The following CLCN6 variants were observed in gnomAD, a reference collection of about 807,000 sequenced individuals.
CLCN6 encodes H(+)/Cl(-) exchange transporter 6.
CLCN6 carries 70 observed loss-of-function variants against 109.8 expected under a neutral mutation model. The ratio of observed to expected loss-of-function variants is 0.64; its 90% CI spans 0.53 to 0.78. CLCN6 has a LOEUF of 0.78. Ranked by LOEUF, CLCN6 falls within the 30% of genes least tolerant of loss-of-function variation. The pLI is 0.00. For missense variants in CLCN6, 984 were observed against 1,142.3 expected (o/e 0.86, Z 2.00); for synonymous variants, 444 against 447.8 (o/e 0.99, Z 0.11).
In CLCN6 at chr1:11,838,344, C is replaced by T; in HGVS notation, c.2305C>T (p.Gln769Ter). 6.2e-7 allele frequency: 1 copy of T among 1,613,712 alleles called. No individual in the cohort carries two copies. Among genetic ancestry groups the T allele is most frequent in the Non-Finnish European group, 8.5e-7 (1 of 1,180,004 alleles). ...CYSESQSSAS[Q>*]PRLSYAEMAE... is the part of the protein sequence containing the mutation. ...TGGGTTGGAATTGCAGAGCGCCAGC[C>T]AGCCGCGCCTCTCCTATGCCGAGAT... is the stretch of plus-strand genomic sequence containing the variant. The change falls in exon 21 of 23, where the codon CAG (glutamine) becomes TAG (stop). Residue 769 changes from glutamine to a stop codon, truncating the protein, a stop_gained. Coordinates refer to ENST00000346436, the MANE Select transcript of CLCN6 (RefSeq NM_001286.5). LOFTEE classifies it high-confidence loss of function.
rs1349711794 is a variant in CLCN6, at chr1:11,806,210, C to T, written c.-53C>T. On this transcript the variant is annotated 5_prime_UTR_variant, in exon 1 of 23. Coordinates refer to ENST00000346436, the MANE Select transcript of CLCN6 (RefSeq NM_001286.5). Reference sequence around the variant, plus strand: ...GGGGCCAGTCACGTGAGGCGCAGATCCTGGCTGGGAGGGGGTTGGTAGAGG... The same window carrying T: ...GGGGCCAGTCACGTGAGGCGCAGATTCTGGCTGGGAGGGGGTTGGTAGAGG... The T allele has an allele frequency of 5.8e-6, 8 of 1,379,284 alleles. No individual in the cohort carries two copies. The highest frequency in any genetic ancestry group is 6.6e-6 in the Non-Finnish European group (7 of 1,057,940). The allele number at this position is 1,379,284 out of a possible 1,614,324, so 85.4% of individuals were successfully genotyped here. A position where few individuals can be genotyped will look rare whatever the true frequency, so the allele number is the denominator to read the frequency against.
In CLCN6 at chr1:11,833,912, G is replaced by T. The variant is rs200899004; in HGVS notation, c.1408G>T (p.Val470Phe). The T allele has an allele frequency of 1.3e-4, 210 of 1,613,366 alleles. 1 individual carries two copies. Among genetic ancestry groups the T allele is most frequent in the Admixed American group, 3.5e-4 (21 of 59,720 alleles). ...CCCCGTCACTCTGGCCTTGTTCTTC[G>T]TTCTCTATTTCTTGCTTGCATGTTG... ...FSPVTLALFFVLYFLLACWTY... is the reference protein window; with the variant it reads ...FSPVTLALFFFLYFLLACWTY... The change falls in exon 15 of 23, where the codon GTT (valine) becomes TTT (phenylalanine). Residue 470 changes from valine (V) to phenylalanine (F), a missense_variant. Transcript: ENST00000346436.
At chr1:11,832,404 A>G (rs774617721) in intron 13 of CLCN6, among the ~76,000 whole-genome samples, 17 of 152,364 alleles carry the variant, frequency 1.1e-4, no homozygotes, top group Admixed American at 9.8e-4. Context: ...GAAAGCCTTC[A>G]GGACTGAACT....
At chr1:11,838,819 T>C (rs1457511914) in intron 22 of CLCN6, 159 bp downstream of exon 22, 2 of 1,066,310 alleles carry the variant, frequency 1.9e-6, no homozygotes, top group East Asian at 2.4e-5. Flanking sequence ...TTCCGTGCAC[T>C]CGGGACCCTT....
chr1:11,834,419 C>T lies in CLCN6; in HGVS notation c.1686+24C>T. On this transcript the variant is annotated intron_variant, in intron 16 of 22. Transcript: ENST00000346436. This position sits in a 1 kb window ranked among gnomAD's most constrained non-coding sequence, Gnocchi z 4.5. ...TGGTGAGCACACTCCCTCCAGGCCC[C>T]TGTCAGGCTCAGGGCCACGTCCGCC... is the stretch of plus-strand genomic sequence containing the variant. 1 of 1,613,186 alleles carries T rather than the reference C, an allele frequency of 6.2e-7. No homozygotes were observed. The highest frequency in any genetic ancestry group is 8.5e-7 in the Non-Finnish European group (1 of 1,179,294).
At chr1:11,826,987 C>T (rs535484100) in intron 9 of CLCN6, 102 bp from the exon 10 acceptor site, 2 of 1,434,884 alleles carry the variant, frequency 1.4e-6, no homozygotes, top group South Asian at 1.3e-5. Context: ...CCTGCCTATT[C>T]ATTCACAGGT....
Position 11,834,066 on chromosome 1 carries a change from A to C in CLCN6, c.1526+36A>C. ...TGTGTGCGTGTGTGTGCGCATGTGC[A>C]TGTGTGTGCACGTGTGCGTGTGTAT... On this transcript the variant is annotated intron_variant, in intron 15 of 22. Transcript: ENST00000346436. The surrounding 1 kb of genome is among the most constrained non-coding windows in gnomAD (Gnocchi z 4.5). 6.2e-7 allele frequency: 1 copy of C among 1,608,386 alleles called. No individual in the cohort carries two copies. Among genetic ancestry groups the C allele is most frequent in the East Asian group, 2.2e-5 (1 of 44,796 alleles).
chr1:11,806,991 A>G, intron 1 of CLCN6, 140 bp from the exon 2 acceptor site: 2 of 708,550 alleles, frequency 2.8e-6, no homozygotes, highest in South Asian at 3.6e-5. Context: ...CACCCCTGAA[A>G]GGTTTTTTTT....
intron 5 of CLCN6, 136 bp from the exon 6 acceptor site, chr1:11,822,559 A>T (rs1379313565): frequency 5.4e-6 from 3 of 555,594 alleles, no homozygotes; most frequent in African/African-American, 1.9e-5. Flanking sequence ...GGCAGTTTTT[A>T]AAAAATTTTT....
chr1:11,827,053 T>G, intron 9 of CLCN6, 36 bp from the exon 10 acceptor site: 1 of 1,606,592 alleles, frequency 6.2e-7, no homozygotes, highest in Non-Finnish European at 8.5e-7. Context: ...GGCTGGGGGC[T>G]CTTTATTGGA....
Position 11,816,643 on chromosome 1 carries a change from G to A in CLCN6, c.242G>A (p.Trp81Ter). Residue 81 changes from tryptophan (W) to a stop codon, truncating the protein, a stop_gained, in exon 4 of 23, where the codon TGG becomes TAG. Transcript: ENST00000346436. LOFTEE classifies it high-confidence loss of function. ...GGTCGAAGATATGAGGCGGTGAAGT[G>A]GATGGTGGTGTTTGCCATTGGAGTC... ...KKGRRYEAVK[W>*]MVVFAIGVCT... The A allele has an allele frequency of 6.2e-7, 1 of 1,613,304 alleles. No individual in the cohort carries two copies. Among genetic ancestry groups the A allele is most frequent in the Non-Finnish European group, 8.5e-7 (1 of 1,179,670 alleles).
chr1:11,838,686 C>A lies in CLCN6; in HGVS notation c.2529+26C>A, dbSNP rs1235994422. The A allele has an allele frequency of 2.5e-6, 4 of 1,614,142 alleles. No homozygotes were observed. The Admixed American group carries it at 5.0e-5, about 20-fold the overall frequency. Reference sequence around the variant, plus strand: ...GTGAGCGAGGCCCCGGCCCTGCCCCCACCTTTGAGAGAGGATCCCCTAGCC... The same window carrying A: ...GTGAGCGAGGCCCCGGCCCTGCCCCAACCTTTGAGAGAGGATCCCCTAGCC... On this transcript the variant is annotated intron_variant, in intron 22 of 22. Transcript: ENST00000346436.
chr1:11,824,187 T>C (rs1028396635), intron 7 of CLCN6, among the ~76,000 whole-genome samples: 1 of 152,252 alleles, frequency 6.6e-6, no homozygotes, highest in Admixed American at 6.5e-5. Context: ...TATTTACATG[T>C]GTGCATTTAA....
At chr1:11,812,664 T>G (rs867487886) in intron 2 of CLCN6, among the ~76,000 whole-genome samples, 24 of 127,014 alleles carry the variant, frequency 1.9e-4, no homozygotes, top group South Asian at 5.4e-4. Context: ...CAAAGTATGT[T>G]TGTGTGTGTG....
At chr1:11,839,523 A>G (rs1265633761) in intron 22 of CLCN6, among the ~76,000 whole-genome samples, 1 of 152,142 alleles carries the variant, frequency 6.6e-6, no homozygotes, top group Admixed American at 6.5e-5. Flanking sequence ...CGGCCTCCCA[A>G]AGTGCTGGGA....
intron 2 of CLCN6, 44 bp downstream of exon 2, chr1:11,807,234 G>A (rs1644528069): frequency 6.4e-7 from 1 of 1,550,924 alleles, no homozygotes; most frequent in Non-Finnish European, 8.9e-7. Flanking sequence ...GTAGTGAGTG[G>A]CCTGGTCACT....
chr1:11,839,522 A>G (rs1207619060), intron 22 of CLCN6, among the ~76,000 whole-genome samples: 1 of 152,206 alleles, frequency 6.6e-6, no homozygotes, highest in African/African-American at 2.4e-5. Context: ...TCGGCCTCCC[A>G]AAGTGCTGGG....
intron 1 of CLCN6, chr1:11,806,899 A>G (rs771327626): frequency 4.0e-5 from 22 of 543,924 alleles, no homozygotes; most frequent in Non-Finnish European, 5.9e-5. Flanking sequence ...GGTGTCCTGA[A>G]GAGGAGGGTG....
chr1:11,817,281 C>T lies in CLCN6; in HGVS notation c.279+601C>T, dbSNP rs773944414. Among the ~76,000 whole-genome samples, 5 of 152,206 alleles carry T rather than the reference C, an allele frequency of 3.3e-5. No individual in the cohort carries two copies. In the East Asian group the frequency reaches 5.8e-4, roughly 18 times the overall value. ...TAGGGAAAAAGCGAAGTCGTGGGTA[C>T]GGAACTGTGAACATCGTGCCCTTCA... On this transcript the variant is annotated intron_variant, in intron 4 of 22. Coordinates refer to ENST00000346436, the MANE Select transcript of CLCN6 (RefSeq NM_001286.5).
Sources: allele counts gnomAD v4.1 joint callset (sites outside exome capture counted in the v4.1 genomes callset), GRCh38; gene constraint gnomAD v4.1.1; non-coding constraint Gnocchi (gnomAD v3.1); transcripts MANE v1.5; gene names NCBI Gene and HGNC (gene_info 2026-07-23, HGNC 2026-07-21).